Variants in RSRC1 observed in about 807,000 individuals in gnomAD.
The protein encoded by RSRC1 is serine/Arginine-related protein 53.
RSRC1 carries 39 observed loss-of-function variants against 49.1 expected under a neutral mutation model. The ratio of observed to expected loss-of-function variants is 0.79; its 90% CI spans 0.61 to 1.04. The LOEUF is 1.04. Among genes scored for constraint, RSRC1 ranks in the 50% least tolerant of loss-of-function variants. The pLI is 0.00. For synonymous variants in RSRC1, 143 were observed against 130.8 expected, an observed-to-expected ratio of 1.09 and a Z score of -0.63; for missense variants, 388 against 402.4, an observed-to-expected ratio of 0.96 and a Z score of 0.31.
intron 4 of RSRC1, among the ~76,000 whole-genome samples, chr3:158,266,634 C>T (rs568275166): frequency 1.3e-5 from 2 of 152,252 alleles, no homozygotes; most frequent in South Asian, 4.2e-4. Context: ...TGTTCCTCTA[C>T]AAATTACACC....
At chr3:158,492,886 A>C (rs766597391) in intron 7 of RSRC1, among the ~76,000 whole-genome samples, 1 of 152,206 alleles carries the variant, frequency 6.6e-6, no homozygotes, top group South Asian at 2.1e-4. Context: ...AACCTTTGCC[A>C]GAAGAAATGT....
At chr3:158,169,006 G>A (rs1248194783) in intron 3 of RSRC1, among the ~76,000 whole-genome samples, 7 of 151,886 alleles carry the variant, frequency 4.6e-5, no homozygotes, top group African/African-American at 1.7e-4. Context: ...CGTTGTTCCC[G>A]CTCCCTATAA....
chr3:158,425,626 C>G (rs892368430), intron 6 of RSRC1, among the ~76,000 whole-genome samples: 2 of 151,754 alleles, frequency 1.3e-5, no homozygotes, highest in Admixed American at 1.3e-4. Flanking sequence ...GAGTTCAATT[C>G]CTGGGTATCC....
intron 3 of RSRC1, among the ~76,000 whole-genome samples, chr3:158,127,842 T>C (rs1323809269): frequency 6.6e-6 from 1 of 150,534 alleles, no homozygotes; most frequent in African/African-American, 2.4e-5. Flanking sequence ...TGGCTTCTTA[T>C]GGGGAAAGTC....
intron 4 of RSRC1, among the ~76,000 whole-genome samples, chr3:158,229,383 T>TATATATACACATACACAC (rs1559952747): frequency 4.2e-5 from 4 of 95,228 alleles, no homozygotes; most frequent in African/African-American, 1.3e-4. Flanking sequence ...TGTGTATGTA[T>TATATATACACATACACAC]GTGTATATAT....
rs199956123 is a variant in RSRC1, at chr3:158,259,074, T to C, written c.495-38965T>C. On this transcript the variant is annotated intron_variant, in intron 4 of 9. Coordinates refer to ENST00000611884, the MANE Select transcript of RSRC1 (RefSeq NM_001271838.2). ...CTGGTGGTACCTTGTTGAGTTTCTTTGGTGAGGCCATCTTTTTCTGGAATG... is the reference window on the plus strand; with the variant it reads ...CTGGTGGTACCTTGTTGAGTTTCTTCGGTGAGGCCATCTTTTTCTGGAATG... Among the ~76,000 whole-genome samples the C allele has an allele frequency of 7.2e-5, 11 of 152,294 alleles. No homozygotes were observed. In the East Asian group the frequency reaches 2.1e-3, roughly 29 times the overall value.
intron 7 of RSRC1, among the ~76,000 whole-genome samples, chr3:158,500,653 G>A (rs1339304729): frequency 2.6e-5 from 4 of 152,008 alleles, no homozygotes; most frequent in Admixed American, 2.0e-4. Flanking sequence ...GTACATAAAG[G>A]TGTTCATAGT....
chr3:158,393,471 A>G (rs1207186519), intron 6 of RSRC1, among the ~76,000 whole-genome samples: 1 of 152,020 alleles, frequency 6.6e-6, no homozygotes, highest in Non-Finnish European at 1.5e-5. Context: ...ATCAGAAATG[A>G]CAAAGGGGAC....
At chr3:158,169,158 A>G (rs1718713437) in intron 3 of RSRC1, among the ~76,000 whole-genome samples, 1 of 152,146 alleles carries the variant, frequency 6.6e-6, no homozygotes. Context: ...TTCTTTCAGT[A>G]AGAGACCACC....
At chr3:158,362,219 G>A (rs1036653615) in intron 6 of RSRC1, among the ~76,000 whole-genome samples, 10 of 152,206 alleles carry the variant, frequency 6.6e-5, no homozygotes, top group Non-Finnish European at 1.5e-4. Flanking sequence ...ACATGCTTCT[G>A]GTCCTAGCCT....
intron 7 of RSRC1, among the ~76,000 whole-genome samples, chr3:158,487,961 A>AAAAAAC (rs1738894523): frequency 3.4e-5 from 5 of 147,610 alleles, no homozygotes; most frequent in African/African-American, 1.2e-4. Flanking sequence ...AAAAAAAAAA[A>AAAAAAC]AAAAAAAAAA....
intron 3 of RSRC1, among the ~76,000 whole-genome samples, chr3:158,190,503 GACTTATTTTATTTTAATTTATTT>G (rs1720175721): frequency 6.6e-6 from 1 of 150,998 alleles, no homozygotes; most frequent in African/African-American, 2.4e-5. Context: ...TTTCTGAGAT[GACTTATTTTATTTTAATTTATTT>G]ACTTATTTTA....
intron 7 of RSRC1, among the ~76,000 whole-genome samples, chr3:158,510,750 C>T (rs971851640): frequency 6.6e-6 from 1 of 151,946 alleles, no homozygotes; most frequent in East Asian, 1.9e-4. Flanking sequence ...TTTTATTCAT[C>T]CTTTCTAACT....
At position 158,392,714 on chromosome 3, in the gene RSRC1, T is replaced by A. The variant is rs190408480; in HGVS notation, c.583+37806T>A. ...GAGATCTACAAAGAGACTTAGATAATCACACACTAATAGTGGAAGACTTCA... is the reference window on the plus strand; with the variant it reads ...GAGATCTACAAAGAGACTTAGATAAACACACACTAATAGTGGAAGACTTCA... On this transcript the variant is annotated intron_variant, in intron 6 of 9. Transcript: ENST00000611884. Among the ~76,000 whole-genome samples, 160 of 152,102 alleles carry A rather than the reference T, an allele frequency of 1.1e-3. 1 individual carries two copies. The highest frequency in any genetic ancestry group is 3.6e-3 in the African/African-American group (150 of 41,546).
chr3:158,207,417 G>GTT (rs1258402174), intron 4 of RSRC1, among the ~76,000 whole-genome samples: 1 of 151,962 alleles, frequency 6.6e-6, no homozygotes, highest in Non-Finnish European at 1.5e-5. Context: ...CCTTAATTAA[G>GTT]TTTATTTTAG....
intron 6 of RSRC1, among the ~76,000 whole-genome samples, chr3:158,446,103 A>G (rs1466346080): frequency 3.9e-5 from 6 of 152,244 alleles, no homozygotes; most frequent in African/African-American, 1.4e-4. Flanking sequence ...TAAAATATTG[A>G]TAATGATTAA....
At chr3:158,302,539 T>C (rs1415252517) in intron 5 of RSRC1, 2 of 150,298 alleles carry the variant, frequency 1.3e-5, no homozygotes, top group African/African-American at 4.9e-5. Flanking sequence ...AGGTGGGTGG[T>C]TATTAGATGT....
At chr3:158,423,460 T>A (rs1174531866) in intron 6 of RSRC1, among the ~76,000 whole-genome samples, 1 of 152,182 alleles carries the variant, frequency 6.6e-6, no homozygotes, top group Non-Finnish European at 1.5e-5. Context: ...ACCAGTACCA[T>A]GCTGTTTTGG....
chr3:158,406,470 G>A (rs573829079), intron 6 of RSRC1, among the ~76,000 whole-genome samples: 1 of 152,118 alleles, frequency 6.6e-6, no homozygotes, highest in East Asian at 1.9e-4. Flanking sequence ...TTGGTACCTT[G>A]ATGTTGATAA....
Sources: gnomAD v4.1 joint callset for allele counts (sites outside exome capture counted in the v4.1 genomes callset) on GRCh38, gnomAD v4.1.1 for gene constraint, MANE v1.5 for transcripts, NCBI Gene and HGNC (gene_info 2026-07-23, HGNC 2026-07-21) for gene names.